Variants in PTK2 observed in about 807,000 individuals in gnomAD.
The protein encoded by PTK2 is protein tyrosine kinase 2, also known as focal adhesion kinase 1.
Under a neutral mutation model 150.1 loss-of-function variants are expected in PTK2, and 45 were observed. The observed-to-expected ratio is 0.30, with a 90% CI of 0.24 to 0.38. The LOEUF (loss-of-function observed/expected upper bound fraction) is 0.38, where lower values mean the gene tolerates loss of function less well. PTK2 is among the 10% of genes least tolerant of loss of function. The pLI is 1.00. For missense variants in PTK2, 919 were observed against 1,307.3 expected, an observed-to-expected ratio of 0.70 and a Z score of 4.58; for synonymous variants, 432 against 449.2, an observed-to-expected ratio of 0.96 and a Z score of 0.48.
chr8:140,872,330 C>T (rs1315126354), intron 4 of PTK2, among the ~76,000 whole-genome samples: 4 of 152,122 alleles, frequency 2.6e-5, no homozygotes. Flanking sequence ...CAGGTGTGAG[C>T]CACCACGCCT....
intron 8 of PTK2, among the ~76,000 whole-genome samples, chr8:140,827,533 G>A (rs1373214231): frequency 6.6e-6 from 1 of 152,096 alleles, no homozygotes; most frequent in African/African-American, 2.4e-5. Context: ...TGCAGAGGAG[G>A]GTTTTTTTTA....
intron 7 of PTK2, among the ~76,000 whole-genome samples, chr8:140,835,262 T>C (rs1475980359): frequency 6.6e-6 from 1 of 152,220 alleles, no homozygotes; most frequent in Non-Finnish European, 1.5e-5. Flanking sequence ...TAAGCACATT[T>C]TTAAGTCAAG....
chr8:140,818,861 C>T lies in PTK2; in HGVS notation c.789+19G>A, dbSNP rs981869986. The T allele has an allele frequency of 3.7e-6, 6 of 1,607,748 alleles. No individual in the cohort carries two copies. Among genetic ancestry groups the T allele is most frequent in the Non-Finnish European group, 4.2e-6 (5 of 1,177,628 alleles). On this transcript the variant is annotated intron_variant, in intron 9 of 31. Coordinates refer to ENST00000522684, the Ensembl canonical transcript of PTK2. ...GTAAAATCAAACTAGCCCACTATTT[C>T]CCATATTCCCATACTTACACCAAGA...
At chr8:140,983,822 T>G (rs553039228) in intron 1 of PTK2, 1 of 152,226 alleles carries the variant, frequency 6.6e-6, no homozygotes, top group South Asian at 2.1e-4. Flanking sequence ...ATGTAAACAT[T>G]TACTTTTAAT....
chr8:140,752,415 T>C (rs1351897177), intron 16 of PTK2, 99 bp from the exon 20 acceptor site: 3 of 1,018,282 alleles, frequency 2.9e-6, no homozygotes, highest in Non-Finnish European at 4.5e-6. Flanking sequence ...ATGTGGGTTA[T>C]GGACCAGACA....
intron 22 of PTK2, among the ~76,000 whole-genome samples, chr8:140,730,552 T>C (rs1011536980): frequency 6.6e-6 from 1 of 152,200 alleles, no homozygotes; most frequent in African/African-American, 2.4e-5. Context: ...GGGGTGCTGG[T>C]AGTATTTTCA....
At chr8:140,830,363 C>A in intron 8 of PTK2, 109 bp downstream of exon 8, 1 of 670,490 alleles carries the variant, frequency 1.5e-6, no homozygotes. Context: ...ATATATTTTA[C>A]ATGTAAGGAA....
intron 14 of PTK2, among the ~76,000 whole-genome samples, chr8:140,775,349 G>A (rs1402189290): frequency 6.6e-6 from 1 of 152,274 alleles, no homozygotes; most frequent in Middle Eastern, 3.4e-3. Context: ...GTCAGGCGTG[G>A]TGGTGTGTGC....
At chr8:140,922,524 A>T (rs962530178) in intron 2 of PTK2, among the ~76,000 whole-genome samples, 5 of 152,148 alleles carry the variant, frequency 3.3e-5, no homozygotes, top group African/African-American at 1.2e-4. Flanking sequence ...AGCATATCTG[A>T]CACACTCCTG....
At chr8:140,907,282 G>A (rs962120737) in intron 2 of PTK2, among the ~76,000 whole-genome samples, 1 of 152,166 alleles carries the variant, frequency 6.6e-6, no homozygotes, top group Non-Finnish European at 1.5e-5. Context: ...AGGACCAGAA[G>A]AGTTTCAGAT....
intron 25 of PTK2, 90 bp downstream of exon 28, chr8:140,702,480 A>G (rs368276139): frequency 9.5e-6 from 14 of 1,473,418 alleles, no homozygotes; most frequent in Non-Finnish European, 1.3e-5. Context: ...CAGCCTCCCA[A>G]AAGTGCTAGG....
intron 14 of PTK2, among the ~76,000 whole-genome samples, chr8:140,776,561 C>T (rs1178496990): frequency 1.3e-5 from 2 of 152,078 alleles, no homozygotes; most frequent in Non-Finnish European, 2.9e-5. Context: ...GAGAAGAAAA[C>T]AAAGAATAGC....
Position 140,902,924 on chromosome 8 carries a change from GTTTTTTTTTT to G in PTK2, c.-32-12165_-32-12156del, listed in dbSNP as rs61261890. 4.3e-3 allele frequency among the ~76,000 whole-genome samples: 253 copies of G among 58,960 alleles called. 1 individual carries two copies. Among genetic ancestry groups the G allele is most frequent in the Non-Finnish European group, 7.5e-3 (198 of 26,334 alleles). 38.7% of individuals were successfully genotyped at this position (58,960 alleles called of 152,430 possible). On this transcript the variant is annotated intron_variant, in intron 2 of 31. Transcript: ENST00000522684. ...TTGCCTGTTCACTCTGATGAGAGTT[GTTTTTTTTTT>G]TTTTTTTTTTTTTTTTTTTTTTTTT...
intron 26 of PTK2, among the ~76,000 whole-genome samples, chr8:140,698,386 A>G (rs2100028131): frequency 6.6e-6 from 1 of 152,246 alleles, no homozygotes; most frequent in Admixed American, 6.5e-5. Context: ...AGAGAACAGT[A>G]GATATGTTCT....
intron 1 of PTK2, among the ~76,000 whole-genome samples, chr8:140,960,164 C>A (rs1245483664): frequency 1.4e-5 from 2 of 145,078 alleles, no homozygotes; most frequent in Non-Finnish European, 1.5e-5. Context: ...AGGAAAAAAA[C>A]ACATTGTAAA....
chr8:140,787,855 C>T (rs865916095), intron 14 of PTK2, among the ~76,000 whole-genome samples: 1 of 152,304 alleles, frequency 6.6e-6, no homozygotes, highest in Middle Eastern at 3.4e-3. Context: ...GACCAAAGGG[C>T]CTGCGAGTTA....
At chr8:140,932,976 C>A (rs1603381287) in intron 1 of PTK2, among the ~76,000 whole-genome samples, 1 of 152,102 alleles carries the variant, frequency 6.6e-6, no homozygotes, top group Admixed American at 6.5e-5. Flanking sequence ...CTCAGCCTCC[C>A]AAGTAGCTGG....
At position 140,988,189 on chromosome 8, in the gene PTK2, G is replaced by A. The variant is rs562799669; in HGVS notation, c.-122+12936C>T. Among the ~76,000 whole-genome samples, 7 of 152,196 alleles carry A rather than the reference G, an allele frequency of 4.6e-5. No homozygotes were observed. In the South Asian group the frequency reaches 1.5e-3, roughly 32 times the overall value. ...ATATTCAGAGATCTATAATAATCCA[G>A]TTCTCCACGAATAGATGTAGACCTT... On this transcript the variant is annotated intron_variant, in intron 1 of 31. Transcript: ENST00000522684.
intron 1 of PTK2, among the ~76,000 whole-genome samples, chr8:140,972,292 T>A (rs2100187600): frequency 6.6e-6 from 1 of 152,110 alleles, no homozygotes; most frequent in Non-Finnish European, 1.5e-5. Flanking sequence ...TTAGATGGAG[T>A]CTCATTCTGT....
Sources: gnomAD v4.1 joint callset for allele counts (sites outside exome capture counted in the v4.1 genomes callset) on GRCh38, gnomAD v4.1.1 for gene constraint, MANE v1.5 for transcripts, NCBI Gene and HGNC (gene_info 2026-07-23, HGNC 2026-07-21) for gene names.